NXPH1: variants seen among roughly 807,000 people sequenced by gnomAD.
The protein encoded by NXPH1 is neurexophilin-1.
Under a neutral mutation model 23.7 loss-of-function variants are expected in NXPH1, and 5 were observed. The observed-to-expected ratio is 0.21, with a 90% CI of 0.11 to 0.44. The LOEUF (loss-of-function observed/expected upper bound fraction) is 0.44. Ranked by LOEUF, NXPH1 falls within the 20% of genes least tolerant of loss-of-function variation. The probability of loss-of-function intolerance (pLI) is 0.99; values close to 1 mark genes in which losing one functional copy is unlikely to be tolerated. For missense variants in NXPH1, 324 were observed against 321.6 expected (o/e 1.01, Z -0.06); for synonymous variants, 144 against 122.2 (o/e 1.18, Z -1.18).
chr7:8,714,066 A>G (rs1779839687), intron 2 of NXPH1, among the ~76,000 whole-genome samples: 1 of 152,208 alleles, frequency 6.6e-6, no homozygotes, highest in Non-Finnish European at 1.5e-5. Context: ...AATGCAGTCT[A>G]GGATCCAGGG....
At chr7:8,628,585 T>A (rs975608354) in intron 2 of NXPH1, among the ~76,000 whole-genome samples, 2 of 150,770 alleles carry the variant, frequency 1.3e-5, no homozygotes, top group Non-Finnish European at 2.9e-5. Flanking sequence ...TTTTTGTGTA[T>A]GTATAAAAAA....
chr7:8,508,381 A>G (rs142721954), intron 2 of NXPH1, among the ~76,000 whole-genome samples: 65 of 152,258 alleles, frequency 4.3e-4, no homozygotes, highest in African/African-American at 1.5e-3. Context: ...AAATAATATT[A>G]TCTCCCTCAT....
chr7:8,661,731 G>A (rs2189625), intron 2 of NXPH1, among the ~76,000 whole-genome samples: 96,481 of 151,870 alleles, frequency 0.64, 31,534 homozygotes, highest in Middle Eastern at 0.76. Flanking sequence ...ATAACCAAGG[G>A]GAGATCAAAA....
At chr7:8,539,958 A>T (rs1348830479) in intron 2 of NXPH1, among the ~76,000 whole-genome samples, 1 of 151,826 alleles carries the variant, frequency 6.6e-6, no homozygotes, top group Non-Finnish European at 1.5e-5. Context: ...CAAGACAGTA[A>T]ACCTTTATAT....
intron 2 of NXPH1, among the ~76,000 whole-genome samples, chr7:8,493,468 C>G (rs1209998749): frequency 6.6e-6 from 1 of 152,018 alleles, no homozygotes; most frequent in Non-Finnish European, 1.5e-5. Flanking sequence ...TTTGCTGGAA[C>G]ATTTGGACTA....
intron 2 of NXPH1, among the ~76,000 whole-genome samples, chr7:8,646,654 C>A (rs1313464821): frequency 6.6e-6 from 1 of 151,904 alleles, no homozygotes. Flanking sequence ...GTCTTGAATG[C>A]CAATTTTATA....
chr7:8,541,885 G>T (rs1451470291), intron 2 of NXPH1, among the ~76,000 whole-genome samples: 3 of 151,430 alleles, frequency 2.0e-5, no homozygotes, highest in Non-Finnish European at 4.4e-5. Context: ...AGGATAAAAT[G>T]GAGTAACAAA....
At position 8,639,695 on chromosome 7, in the gene NXPH1, G is replaced by A. The variant is rs549003092; in HGVS notation, c.55-111313G>A. 2.8e-4 allele frequency among the ~76,000 whole-genome samples: 43 copies of A among 152,282 alleles called. 1 individual carries two copies. The South Asian group carries it at 8.9e-3, about 32-fold the overall frequency. ...CCACGTATTGTGGGAGGGACCCAGG[G>A]GGAGGTGGTTGAATCATGGGGGTCC... On this transcript the variant is annotated intron_variant, in intron 2 of 2. Transcript: ENST00000405863.
intron 2 of NXPH1, among the ~76,000 whole-genome samples, chr7:8,559,918 C>A (rs1263692401): frequency 6.6e-6 from 1 of 151,628 alleles, no homozygotes; most frequent in Non-Finnish European, 1.5e-5. Flanking sequence ...GAAATTACAA[C>A]TAGGCTGACA....
chr7:8,451,715 AC>A (rs1335581406), intron 2 of NXPH1, among the ~76,000 whole-genome samples: 2 of 152,162 alleles, frequency 1.3e-5, no homozygotes, highest in African/African-American at 2.4e-5. Context: ...ATCAAAAACA[AC>A]CCTCCTCTTA....
chr7:8,473,187 G>A (rs1375534177), intron 2 of NXPH1, among the ~76,000 whole-genome samples: 1 of 152,146 alleles, frequency 6.6e-6, no homozygotes. Flanking sequence ...ATTCTTCAAT[G>A]TAGGGAAATG....
intron 2 of NXPH1, among the ~76,000 whole-genome samples, chr7:8,461,387 G>A (rs1328600764): frequency 6.6e-6 from 1 of 152,150 alleles, no homozygotes; most frequent in Non-Finnish European, 1.5e-5. Context: ...GAGAGAAATA[G>A]AAAACATAAA....
Position 8,625,044 on chromosome 7 carries a change from G to A in NXPH1, c.55-125964G>A, listed in dbSNP as rs142850339. Among the ~76,000 whole-genome samples the A allele has an allele frequency of 2.7e-3, 405 of 152,200 alleles. 1 individual carries two copies. Among genetic ancestry groups the A allele is most frequent in the African/African-American group, 9.4e-3 (389 of 41,546 alleles). ...TGTTTTAAAATATATATTTAGAGAAGACTGTCCCAATCCATATTGTAGTGT... is the reference window on the plus strand; with the variant it reads ...TGTTTTAAAATATATATTTAGAGAAAACTGTCCCAATCCATATTGTAGTGT... On this transcript the variant is annotated intron_variant, in intron 2 of 2. Coordinates refer to ENST00000405863, the MANE Select transcript of NXPH1 (RefSeq NM_152745.3).
At chr7:8,523,550 G>A (rs932251660) in intron 2 of NXPH1, among the ~76,000 whole-genome samples, 4 of 152,182 alleles carry the variant, frequency 2.6e-5, no homozygotes, top group Non-Finnish European at 4.4e-5. Context: ...TTCTTAGAGG[G>A]AAAAGAATAG....
At chr7:8,668,398 C>T (rs10233939) in intron 2 of NXPH1, among the ~76,000 whole-genome samples, 9,874 of 152,124 alleles carry the variant, frequency 0.065, 696 homozygotes, top group East Asian at 0.25. Flanking sequence ...AGATTCTAGG[C>T]AGGCCATTTG....
At chr7:8,450,556 AG>A (rs2128605387) in intron 2 of NXPH1, among the ~76,000 whole-genome samples, 1 of 152,356 alleles carries the variant, frequency 6.6e-6, no homozygotes, top group South Asian at 2.1e-4. Flanking sequence ...AAATAAAAGT[AG>A]ATCCAAGACA....
intron 2 of NXPH1, among the ~76,000 whole-genome samples, chr7:8,717,833 TAATA>T (rs937251956): frequency 4.6e-5 from 7 of 151,812 alleles, no homozygotes; most frequent in Non-Finnish European, 8.8e-5. Flanking sequence ...TAGGTTTTCC[TAATA>T]AATATTAAAC....
chr7:8,472,274 T>C (rs895517487), intron 2 of NXPH1, among the ~76,000 whole-genome samples: 6 of 152,176 alleles, frequency 3.9e-5, no homozygotes, highest in African/African-American at 1.4e-4. Flanking sequence ...TCCTCATCTG[T>C]ATAATAAGAG....
intron 2 of NXPH1, among the ~76,000 whole-genome samples, chr7:8,514,655 G>T (rs1488764048): frequency 1.3e-5 from 2 of 152,192 alleles, no homozygotes; most frequent in South Asian, 2.1e-4. Flanking sequence ...CATCTCATTG[G>T]TCTTTTAGAC....
Sources: gnomAD v4.1 joint callset for allele counts (sites outside exome capture counted in the v4.1 genomes callset) on GRCh38, gnomAD v4.1.1 for gene constraint, MANE v1.5 for transcripts, NCBI Gene and HGNC (gene_info 2026-07-23, HGNC 2026-07-21) for gene names.